The following TMEM196 variants were observed in gnomAD, a reference collection of about 807,000 sequenced individuals.
The protein encoded by TMEM196 is transmembrane protein 196.
TMEM196 carries 17 observed loss-of-function variants against 20.0 expected under a neutral mutation model. The observed-to-expected ratio is 0.85, with a 90% CI of 0.58 to 1.27. TMEM196 has a LOEUF of 1.27. TMEM196 is among the 50% of genes most tolerant of loss of function. The pLI is 0.00. For synonymous variants in TMEM196, 113 were observed against 88.9 expected (o/e 1.27, Z -1.52); for missense variants, 267 against 223.0 (o/e 1.20, Z -1.26).
At chr7:19,750,490 A>G (rs1035271098) in intron 1 of TMEM196, among the ~76,000 whole-genome samples, 5 of 152,132 alleles carry the variant, frequency 3.3e-5, no homozygotes, top group African/African-American at 1.2e-4. Context: ...CCTTACACAT[A>G]TTCGTATCTC....
rs17355138 is a variant in TMEM196 at position 19,720,191 on chromosome 7, A to T, written c.*1937T>A. 6.6e-6 allele frequency: 1 copy of T among 152,006 alleles called. No individual in the cohort carries two copies. The highest frequency in any genetic ancestry group is 2.4e-5 in the African/African-American group (1 of 41,438). The allele number at this position is 152,006 out of a possible 1,614,324, so 9.4% of individuals were successfully genotyped here. A position where few individuals can be genotyped will look rare whatever the true frequency, so the allele number is the denominator to read the frequency against. On this transcript the variant is annotated 3_prime_UTR_variant, in exon 5 of 5. Transcript: ENST00000405844. ...CTATATGAGGTTGCATTTATGGACAACTTCTGTAATCTACTAGGCAATGAA... is the reference window on the plus strand; with the variant it reads ...CTATATGAGGTTGCATTTATGGACATCTTCTGTAATCTACTAGGCAATGAA...
At chr7:19,727,144 A>G (rs1334491056) in intron 2 of TMEM196, among the ~76,000 whole-genome samples, 1 of 152,304 alleles carries the variant, frequency 6.6e-6, no homozygotes. Context: ...AGCACTTAGC[A>G]TCTGTTAGCC....
rs1783795829 is a variant in TMEM196 at position 19,721,019 on chromosome 7, T to G, written c.*1109A>C. The G allele has an allele frequency of 6.6e-6, 1 of 151,934 alleles. No homozygotes were observed. Among genetic ancestry groups the G allele is most frequent in the Non-Finnish European group, 1.5e-5 (1 of 67,810 alleles). 9.4% of individuals were successfully genotyped at this position (151,934 alleles called of 1,614,324 possible). ...TCGTTTATAAATTAATTTTAATTGC[T>G]ATACATAAATACTATAATCATAGTG... is the stretch of plus-strand genomic sequence containing the variant. On this transcript the variant is annotated 3_prime_UTR_variant, in exon 5 of 5. Coordinates refer to ENST00000405844, the MANE Select transcript of TMEM196 (RefSeq NM_001363562.2).
At chr7:19,736,354 TATATATA>T (rs1784402365) in intron 1 of TMEM196, among the ~76,000 whole-genome samples, 22 of 88,098 alleles carry the variant, frequency 2.5e-4, no homozygotes, top group African/African-American at 3.7e-4. Flanking sequence ...TGGTTCCTAC[TATATATA>T]TATATATATA....
chr7:19,762,878 A>G (rs2128038291), intron 1 of TMEM196, among the ~76,000 whole-genome samples: 1 of 152,326 alleles, frequency 6.6e-6, no homozygotes, highest in South Asian at 2.1e-4. Context: ...ATGAATGTTC[A>G]TCCAACATGC....
intron 1 of TMEM196, among the ~76,000 whole-genome samples, chr7:19,749,750 C>G (rs1784889590): frequency 6.6e-6 from 1 of 152,150 alleles, no homozygotes; most frequent in Non-Finnish European, 1.5e-5. Flanking sequence ...ATTTCCCTCA[C>G]TCACAGTTCG....
intron 1 of TMEM196, among the ~76,000 whole-genome samples, chr7:19,729,903 T>C (rs1169128089): frequency 6.6e-6 from 1 of 152,118 alleles, no homozygotes; most frequent in Non-Finnish European, 1.5e-5. Flanking sequence ...CCACTCCAAT[T>C]GGTACAATGA....
intron 1 of TMEM196, among the ~76,000 whole-genome samples, chr7:19,769,727 T>C (rs1377308767): frequency 6.6e-6 from 1 of 152,070 alleles, no homozygotes; most frequent in Non-Finnish European, 1.5e-5. Flanking sequence ...ACAACAATAA[T>C]AATACAAAGG....
Position 19,720,784 on chromosome 7 carries a change from G to A in TMEM196, c.*1344C>T, listed in dbSNP as rs1486191940. 2 of 151,660 alleles carry A rather than the reference G, an allele frequency of 1.3e-5. No homozygotes were observed. Among genetic ancestry groups the A allele is most frequent in the East Asian group, 3.9e-4 (2 of 5,186 alleles). The allele number at this position is 151,660 out of a possible 1,614,324, so 9.4% of individuals were successfully genotyped here. Reference sequence around the variant, plus strand: ...TTGGATATAGGCTTTCTTATATATGGACTGCCTATATTATTTCATGAGAAT... The same window carrying A: ...TTGGATATAGGCTTTCTTATATATGAACTGCCTATATTATTTCATGAGAAT... On this transcript the variant is annotated 3_prime_UTR_variant, in exon 5 of 5. Coordinates refer to ENST00000405844, the MANE Select transcript of TMEM196 (RefSeq NM_001363562.2).
intron 3 of TMEM196, 59 bp from the exon 4 acceptor site, chr7:19,724,412 A>G (rs537905480): frequency 1.4e-5 from 20 of 1,454,572 alleles, no homozygotes; most frequent in Non-Finnish European, 1.8e-5. Flanking sequence ...AGAAAACTAA[A>G]TCAGACTAGT....
At chr7:19,734,826 C>G (rs1280486070) in intron 1 of TMEM196, among the ~76,000 whole-genome samples, 1 of 152,062 alleles carries the variant, frequency 6.6e-6, no homozygotes, top group Non-Finnish European at 1.5e-5. Context: ...ACAGAAGCAA[C>G]AGGAAACTAA....
intron 4 of TMEM196, 86 bp downstream of exon 4, chr7:19,724,194 G>T: frequency 1.7e-6 from 2 of 1,183,818 alleles, no homozygotes; most frequent in South Asian, 2.6e-5. Flanking sequence ...AGTTCAGACT[G>T]ATCTGTTGAC....
At chr7:19,724,453 A>T (rs377295597) in intron 3 of TMEM196, 100 bp from the exon 4 acceptor site, 6 of 991,372 alleles carry the variant, frequency 6.1e-6, no homozygotes, top group Non-Finnish European at 9.1e-6. Flanking sequence ...GCCACTATTC[A>T]TATATACATA....
At chr7:19,758,297 T>A (rs1487079145) in intron 1 of TMEM196, among the ~76,000 whole-genome samples, 1 of 152,176 alleles carries the variant, frequency 6.6e-6, no homozygotes, top group East Asian at 1.9e-4. Flanking sequence ...CCAAAATTGG[T>A]GTAGAAAGCC....
intron 1 of TMEM196, among the ~76,000 whole-genome samples, chr7:19,730,346 T>C (rs975924708): frequency 1.3e-5 from 2 of 152,198 alleles, no homozygotes; most frequent in Non-Finnish European, 2.9e-5. Context: ...ACATAATTGC[T>C]TTGCAAAGGC....
intron 1 of TMEM196, among the ~76,000 whole-genome samples, chr7:19,768,464 C>T (rs1216517891): frequency 6.6e-6 from 1 of 152,094 alleles, no homozygotes; most frequent in Non-Finnish European, 1.5e-5. Context: ...CTAGTCCATT[C>T]CCATTATAGA....
intron 1 of TMEM196, among the ~76,000 whole-genome samples, chr7:19,748,162 A>G (rs958371873): frequency 1.3e-5 from 2 of 150,560 alleles, no homozygotes; most frequent in Non-Finnish European, 2.9e-5. Context: ...CCTAAGTTAA[A>G]ATCCTTGCGT....
intron 3 of TMEM196, among the ~76,000 whole-genome samples, 155 bp from the exon 4 acceptor site, chr7:19,724,508 G>C (rs889041488): frequency 6.6e-6 from 1 of 152,030 alleles, no homozygotes; most frequent in Non-Finnish European, 1.5e-5. Context: ...TAAATTACTG[G>C]AGTCTTGCTA....
At position 19,746,965 on chromosome 7, in the gene TMEM196, GAA is replaced by G. The variant is rs145535183; in HGVS notation, c.148-17529_148-17528del. 5.7e-3 allele frequency among the ~76,000 whole-genome samples: 874 copies of G among 152,268 alleles called. 7 individuals carry two copies. The highest frequency in any genetic ancestry group is 0.02 in the African/African-American group (826 of 41,550). ...TTTCTTTGGAATTAGGTAAATCATA[GAA>G]AATCCCGGCCGGGCGTGGTGGCTCA... is the stretch of plus-strand genomic sequence containing the variant. On this transcript the variant is annotated intron_variant, in intron 1 of 4. Transcript: ENST00000405844.
Sources: gnomAD v4.1 joint callset for allele counts (sites outside exome capture counted in the v4.1 genomes callset) on GRCh38, gnomAD v4.1.1 for gene constraint, MANE v1.5 for transcripts, NCBI Gene and HGNC (gene_info 2026-07-23, HGNC 2026-07-21) for gene names.